Variants in LDLRAD4 observed in about 807,000 individuals in gnomAD.
LDLRAD4 encodes the protein low density lipoprotein receptor class A domain containing 4, also known as low-density lipoprotein receptor class A domain-containing protein 4.
Under a neutral mutation model 17.0 loss-of-function variants are expected in LDLRAD4, and 5 were observed. That is an observed-to-expected ratio of 0.29 (90% CI 0.15 to 0.62). LDLRAD4 has a LOEUF of 0.62. LDLRAD4 is among the 20% of genes least tolerant of loss of function. The probability of loss-of-function intolerance (pLI) is 0.84; values close to 1 mark genes in which losing one functional copy is unlikely to be tolerated. For missense variants in LDLRAD4, 340 were observed against 424.7 expected, an observed-to-expected ratio of 0.80 and a Z score of 1.75; for synonymous variants, 168 against 171.8, an observed-to-expected ratio of 0.98 and a Z score of 0.17.
At chr18:13,566,084 G>T (rs1448448349) in intron 3 of LDLRAD4, among the ~76,000 whole-genome samples, 1 of 152,186 alleles carries the variant, frequency 6.6e-6, no homozygotes, top group Non-Finnish European at 1.5e-5. Context: ...CCCTGCTCCT[G>T]GGGCTGTGGT....
At chr18:13,530,329 G>A (rs1428785217) in intron 3 of LDLRAD4, among the ~76,000 whole-genome samples, 1 of 152,174 alleles carries the variant, frequency 6.6e-6, no homozygotes, top group East Asian at 1.9e-4. Context: ...CTAAAAGATG[G>A]CCTCCTCCTT....
chr18:13,365,923 G>A (rs963246758), intron 1 of LDLRAD4, among the ~76,000 whole-genome samples: 8 of 152,090 alleles, frequency 5.3e-5, no homozygotes, highest in South Asian at 2.1e-4. Context: ...ACAGGCGCCC[G>A]TCATCACACC....
intron 3 of LDLRAD4, chr18:13,522,558 C>G (rs573478454): frequency 6.6e-6 from 1 of 152,154 alleles, no homozygotes; most frequent in African/African-American, 2.4e-5. Flanking sequence ...GACTGACTTG[C>G]TGGGCTTCAT....
At chr18:13,268,157 A>G (rs1350024876) in intron 1 of LDLRAD4, among the ~76,000 whole-genome samples, 1 of 152,128 alleles carries the variant, frequency 6.6e-6, no homozygotes, top group Non-Finnish European at 1.5e-5. Context: ...CCAGGGCAGA[A>G]TATTTTGTTC....
chr18:13,490,385 A>G (rs927831846), intron 3 of LDLRAD4: 1 of 152,234 alleles, frequency 6.6e-6, no homozygotes, highest in African/African-American at 2.4e-5. Context: ...AATAACTGGT[A>G]AGTATAATGC....
At chr18:13,304,049 C>T (rs144703318) in intron 1 of LDLRAD4, among the ~76,000 whole-genome samples, 8 of 152,322 alleles carry the variant, frequency 5.3e-5, no homozygotes, top group African/African-American at 9.6e-5. Context: ...AGTCCTGCAC[C>T]GCCAGGGGTG....
chr18:13,543,977 C>T (rs761973738), intron 3 of LDLRAD4, among the ~76,000 whole-genome samples: 24 of 152,336 alleles, frequency 1.6e-4, no homozygotes, highest in Admixed American at 3.3e-4. Context: ...AGGCCTGCCC[C>T]GAACGTGCAG....
rs528508866 is a variant in LDLRAD4 at position 13,376,847 on chromosome 18, C to T, written c.-382-10494C>T. 1.4e-4 allele frequency among the ~76,000 whole-genome samples: 21 copies of T among 152,300 alleles called. No homozygotes were observed. In the East Asian group the frequency reaches 3.3e-3, roughly 24 times the overall value. ...GTGTGAGAGCACACGCACGGGCCTTCGTTACCAAGGCAGTGGAAATTGGTC... is the reference window on the plus strand; with the variant it reads ...GTGTGAGAGCACACGCACGGGCCTTTGTTACCAAGGCAGTGGAAATTGGTC... On this transcript the variant is annotated intron_variant, in intron 1 of 5. Coordinates refer to ENST00000359446, the Ensembl canonical transcript of LDLRAD4.
chr18:13,406,677 G>T (rs2087785205), intron 2 of LDLRAD4, among the ~76,000 whole-genome samples: 1 of 152,182 alleles, frequency 6.6e-6, no homozygotes, highest in South Asian at 2.1e-4. Flanking sequence ...CCTGGACAGG[G>T]TGGGAGGCTG....
rs139437471 is a variant in LDLRAD4 at position 13,529,704 on chromosome 18, C to T, written c.181+91320C>T. Among the ~76,000 whole-genome samples, 522 of 152,342 alleles carry T rather than the reference C, an allele frequency of 3.4e-3. 2 individuals are homozygous for T. The highest frequency in any genetic ancestry group is 0.012 in the African/African-American group (501 of 41,582). ...GAAAATATAACTTTTGGATCAATAG[C>T]GATCCTATCCTTTCTCTGAATGTTG... On this transcript the variant is annotated intron_variant, in intron 3 of 5. Coordinates refer to ENST00000359446, the Ensembl canonical transcript of LDLRAD4.
chr18:13,289,716 T>A (rs1488834069), intron 1 of LDLRAD4, among the ~76,000 whole-genome samples: 1 of 152,222 alleles, frequency 6.6e-6, no homozygotes, highest in Non-Finnish European at 1.5e-5. Flanking sequence ...CCTGAGCCAT[T>A]GGGACTGCCG....
chr18:13,483,493 A>G (rs1302689013), intron 3 of LDLRAD4, among the ~76,000 whole-genome samples: 4 of 152,110 alleles, frequency 2.6e-5, no homozygotes, highest in Non-Finnish European at 5.9e-5. Flanking sequence ...CTGCTGTGCT[A>G]AGAACCCTGA....
chr18:13,503,420 C>T (rs184189539), intron 3 of LDLRAD4, among the ~76,000 whole-genome samples: 288 of 152,300 alleles, frequency 1.9e-3, no homozygotes, highest in Non-Finnish European at 3.5e-3. Context: ...TATGAGGGTC[C>T]CTTCTCCTAA....
chr18:13,561,948 CAAAAGA>C (rs1240382814), intron 3 of LDLRAD4: 1 of 152,108 alleles, frequency 6.6e-6, no homozygotes, highest in Admixed American at 6.5e-5. Flanking sequence ...AGCAACAGTA[CAAAAGA>C]AAAAGTACAA....
chr18:13,582,064 G>A (rs935120520), intron 3 of LDLRAD4, among the ~76,000 whole-genome samples: 24 of 152,210 alleles, frequency 1.6e-4, no homozygotes, highest in African/African-American at 5.1e-4. Flanking sequence ...AATCCAGATT[G>A]GAGTCAGCCC....
At chr18:13,414,113 C>G (rs990376996) in intron 2 of LDLRAD4, among the ~76,000 whole-genome samples, 2 of 152,220 alleles carry the variant, frequency 1.3e-5, no homozygotes, top group Non-Finnish European at 2.9e-5. Context: ...AGGTCTACCT[C>G]ATGCCTCGTT....
intron 3 of LDLRAD4, chr18:13,515,611 A>G (rs1383677406): frequency 6.6e-6 from 1 of 152,232 alleles, no homozygotes; most frequent in Non-Finnish European, 1.5e-5. Context: ...AGACTTACAA[A>G]TTCACGTTTA....
intron 3 of LDLRAD4, among the ~76,000 whole-genome samples, chr18:13,481,918 G>T (rs1256126342): frequency 1.3e-5 from 2 of 152,184 alleles, no homozygotes; most frequent in Non-Finnish European, 2.9e-5. Flanking sequence ...GAAGGCAGAA[G>T]GCTCACAGGG....
chr18:13,475,865 C>T (rs34261279), intron 3 of LDLRAD4, among the ~76,000 whole-genome samples: 91,744 of 152,040 alleles, frequency 0.6, 30,463 homozygotes, highest in South Asian at 0.74. Context: ...GCTTCTGACT[C>T]TAAGGAAGAA....
Sources: allele counts gnomAD v4.1 joint callset (sites outside exome capture counted in the v4.1 genomes callset), GRCh38; gene constraint gnomAD v4.1.1; transcripts MANE v1.5; gene names NCBI Gene and HGNC (gene_info 2026-07-23, HGNC 2026-07-21).